The following CA10 variants were observed in gnomAD, a reference collection of about 807,000 sequenced individuals.
The protein encoded by CA10 is carbonic anhydrase 10 (inactive).
Under a neutral mutation model 44.2 loss-of-function variants are expected in CA10, and 14 were observed. The ratio of observed to expected loss-of-function variants is 0.32; its 90% CI spans 0.21 to 0.50. The LOEUF is 0.50. Ranked by LOEUF, CA10 falls within the 20% of genes least tolerant of loss-of-function variation. The pLI is 0.99. For synonymous variants in CA10, 159 were observed against 141.6 expected (o/e 1.12, Z -0.87); for missense variants, 350 against 409.7 (o/e 0.85, Z 1.26).
At chr17:52,009,236 C>T (rs8069910) in intron 2 of CA10, among the ~76,000 whole-genome samples, 75,366 of 151,590 alleles carry the variant, frequency 0.5, 19,464 homozygotes, top group African/African-American at 0.61. Flanking sequence ...TTTTCTATAC[C>T]ATAAGACAGT....
At chr17:52,054,870 G>A (rs1162569362) in intron 2 of CA10, among the ~76,000 whole-genome samples, 2 of 152,062 alleles carry the variant, frequency 1.3e-5, no homozygotes. Context: ...ACAGATGGGA[G>A]AAGATAATCA....
In CA10 at chr17:51,856,297, G is replaced by A. The variant is rs531814580; in HGVS notation, c.279+74693C>T. On this transcript the variant is annotated intron_variant, in intron 3 of 8. Coordinates refer to ENST00000451037, the MANE Select transcript of CA10 (RefSeq NM_020178.5). ...ATTGCAAACTCATAGTTTGTTTCCC[G>A]ATGTTAATTCTGGTTATTTAAGGGG... Among the ~76,000 whole-genome samples, 147 of 152,064 alleles carry A rather than the reference G, an allele frequency of 9.7e-4. 1 individual carries two copies. The South Asian group carries it at 0.03, about 31-fold the overall frequency.
chr17:51,887,336 C>T (rs191779472), intron 3 of CA10, among the ~76,000 whole-genome samples: 6 of 152,254 alleles, frequency 3.9e-5, no homozygotes, highest in Admixed American at 3.9e-4. Flanking sequence ...AAGGCTGAAA[C>T]ACAGAATGGA....
chr17:51,950,903 C>G (rs1023253763), intron 2 of CA10, among the ~76,000 whole-genome samples: 3 of 152,118 alleles, frequency 2.0e-5, no homozygotes, highest in African/African-American at 7.2e-5. Flanking sequence ...ATGTGCTTAG[C>G]TCCTAGGATA....
chr17:52,104,946 AG>A (rs1480450591), intron 1 of CA10, among the ~76,000 whole-genome samples: 1 of 152,196 alleles, frequency 6.6e-6, no homozygotes, highest in Non-Finnish European at 1.5e-5. Context: ...CAAAAAAATA[AG>A]GGGTTCCTGA....
At chr17:51,839,397 G>A (rs1044434993) in intron 3 of CA10, among the ~76,000 whole-genome samples, 5 of 150,358 alleles carry the variant, frequency 3.3e-5, no homozygotes, top group Non-Finnish European at 7.4e-5. Flanking sequence ...GGAGGCTGAG[G>A]CAGGAGAATG....
chr17:51,881,079 T>C (rs913739043), intron 3 of CA10, among the ~76,000 whole-genome samples: 2 of 150,514 alleles, frequency 1.3e-5, no homozygotes, highest in African/African-American at 4.9e-5. Flanking sequence ...CTACTAAAAA[T>C]TAAAAAAAAA....
At chr17:52,004,368 G>C (rs942933411) in intron 2 of CA10, among the ~76,000 whole-genome samples, 1 of 151,818 alleles carries the variant, frequency 6.6e-6, no homozygotes, top group African/African-American at 2.4e-5. Context: ...ACAGAGAGAA[G>C]TACCTACCTA....
intron 2 of CA10, among the ~76,000 whole-genome samples, chr17:52,034,294 GTATT>G (rs532741133): frequency 3.6e-4 from 55 of 152,100 alleles, no homozygotes; most frequent in Non-Finnish European, 6.0e-4. Context: ...TCATGAGTGT[GTATT>G]TATCTCTAAA....
At chr17:51,914,925 A>AT (rs1272859496) in intron 3 of CA10, among the ~76,000 whole-genome samples, 3 of 152,212 alleles carry the variant, frequency 2.0e-5, no homozygotes, top group Non-Finnish European at 4.4e-5. Context: ...ACTAAATGAG[A>AT]TAAAATATGT....
chr17:51,849,183 GTATATATATATATACATATATGTATA>G (rs200265970), intron 3 of CA10, among the ~76,000 whole-genome samples: 18 of 76,544 alleles, frequency 2.4e-4, no homozygotes, highest in South Asian at 5.3e-4. Context: ...ATACATATAT[GTATATATATATATACATATATGTATA>G]TATATATATA....
chr17:52,109,952 A>G (rs1191592934), intron 1 of CA10, among the ~76,000 whole-genome samples: 1 of 152,214 alleles, frequency 6.6e-6, no homozygotes, highest in African/African-American at 2.4e-5. Flanking sequence ...TGGCATCATG[A>G]TCACAGAAGT....
intron 2 of CA10, among the ~76,000 whole-genome samples, chr17:51,985,682 C>G (rs1265656921): frequency 6.6e-6 from 1 of 151,832 alleles, no homozygotes; most frequent in East Asian, 1.9e-4. Context: ...TTAATATACA[C>G]AAATCAGTAG....
intron 3 of CA10, among the ~76,000 whole-genome samples, chr17:51,777,414 A>C (rs938200503): frequency 2.0e-5 from 3 of 152,162 alleles, no homozygotes; most frequent in Non-Finnish European, 4.4e-5. Flanking sequence ...TATTTGAGGG[A>C]TATAAAACCC....
At chr17:51,854,785 G>C (rs1415946683) in intron 3 of CA10, among the ~76,000 whole-genome samples, 1 of 152,206 alleles carries the variant, frequency 6.6e-6, no homozygotes, top group African/African-American at 2.4e-5. Flanking sequence ...GTCCACAGGG[G>C]ATTAAGCAAA....
chr17:51,778,796 G>A (rs1051590639), intron 3 of CA10, among the ~76,000 whole-genome samples: 2 of 152,194 alleles, frequency 1.3e-5, no homozygotes, highest in Non-Finnish European at 2.9e-5. Context: ...GGGGATCCCA[G>A]AAATGGGGCC....
At position 51,814,052 on chromosome 17, in the gene CA10, G is replaced by C. The variant is rs192937058; in HGVS notation, c.280-66234C>G. Among the ~76,000 whole-genome samples, 4 of 152,254 alleles carry C rather than the reference G, an allele frequency of 2.6e-5. No individual in the cohort carries two copies. In the East Asian group the frequency reaches 7.7e-4, roughly 29 times the overall value. On this transcript the variant is annotated intron_variant, in intron 3 of 8. Transcript: ENST00000451037. ...CTTTTCCAGAGCTCAGAGTGCTTTG[G>C]TATTTGTCATTTTAATTAATCTGGT...
chr17:52,126,265 G>C (rs932990030), intron 1 of CA10, among the ~76,000 whole-genome samples: 1 of 152,134 alleles, frequency 6.6e-6, no homozygotes, highest in Non-Finnish European at 1.5e-5. Context: ...GTGGCTATGA[G>C]GCTCACATAT....
At chr17:51,981,642 A>G (rs538392825) in intron 2 of CA10, among the ~76,000 whole-genome samples, 2 of 152,186 alleles carry the variant, frequency 1.3e-5, no homozygotes. Flanking sequence ...CAGCTATGGC[A>G]TATGCATTTC....
Sources: allele counts gnomAD v4.1 joint callset (sites outside exome capture counted in the v4.1 genomes callset), GRCh38; gene constraint gnomAD v4.1.1; transcripts MANE v1.5; gene names NCBI Gene and HGNC (gene_info 2026-07-23, HGNC 2026-07-21).